SH3BP4: variants seen among roughly 807,000 people sequenced by gnomAD.
The protein encoded by SH3BP4 is SH3 domain-binding protein 4.
In SH3BP4, 33 loss-of-function variants were observed where a neutral mutation model predicts 65.5. The observed-to-expected ratio is 0.50, with a 90% CI of 0.38 to 0.67. The LOEUF (loss-of-function observed/expected upper bound fraction) is 0.67, where lower values mean the gene tolerates loss of function less well. Among genes scored for constraint, SH3BP4 ranks in the 30% least tolerant of loss-of-function variants. The probability of loss-of-function intolerance (pLI) is 0.00; values close to 1 mark genes in which losing one functional copy is unlikely to be tolerated. For synonymous variants in SH3BP4, 552 were observed against 545.5 expected (o/e 1.01, Z -0.17); for missense variants, 1,134 against 1,261.4 (o/e 0.90, Z 1.53).
At chr2:235,004,650 TTGTTTTC>T (rs5839568) in intron 2 of SH3BP4, among the ~76,000 whole-genome samples, 41,819 of 151,870 alleles carry the variant, frequency 0.28, 6,389 homozygotes, top group African/African-American at 0.4. Context: ...GGTGACTGTC[TTGTTTTC>T]ACTGCAGACT....
At chr2:234,988,910 A>C (rs1392087566) in intron 1 of SH3BP4, among the ~76,000 whole-genome samples, 1 of 152,166 alleles carries the variant, frequency 6.6e-6, no homozygotes, top group Non-Finnish European at 1.5e-5. Context: ...AGGGTAAGTG[A>C]AGCAGTTCTG....
intron 2 of SH3BP4, among the ~76,000 whole-genome samples, chr2:235,006,230 GC>G (rs1176611779): frequency 6.6e-6 from 1 of 152,234 alleles, no homozygotes; most frequent in East Asian, 1.9e-4. Context: ...CTTTGTCTTT[GC>G]GGGCTTTGTT....
chr2:235,016,622 C>A (rs1486276557), intron 2 of SH3BP4, among the ~76,000 whole-genome samples: 1 of 152,198 alleles, frequency 6.6e-6, no homozygotes, highest in Non-Finnish European at 1.5e-5. Flanking sequence ...GATTCTCCTG[C>A]CTCAGCCTCC....
At chr2:235,012,410 G>A (rs567163302) in intron 2 of SH3BP4, among the ~76,000 whole-genome samples, 18 of 152,334 alleles carry the variant, frequency 1.2e-4, no homozygotes, top group Admixed American at 3.9e-4. Context: ...AATGGGAGCC[G>A]AGGGGACGCC....
rs1695300710 is a variant in SH3BP4, at chr2:235,034,330, G to T, written c.-132-541G>T. ...GTGTTGTGTTTAGAATTGTTTATTT[G>T]GGGTGCAGGGGGATTTCAGGAGCGG... On this transcript the variant is annotated intron_variant, in intron 2 of 5. Transcript: ENST00000392011. This position sits in a 1 kb window ranked among gnomAD's most constrained non-coding sequence, Gnocchi z 6.2. Among the ~76,000 whole-genome samples the T allele has an allele frequency of 6.6e-6, 1 of 152,172 alleles. No individual in the cohort carries two copies. The highest frequency in any genetic ancestry group is 1.5e-5 in the Non-Finnish European group (1 of 68,028).
intron 1 of SH3BP4, among the ~76,000 whole-genome samples, chr2:234,993,628 T>C (rs190518441): frequency 1.8e-4 from 27 of 152,328 alleles, no homozygotes; most frequent in African/African-American, 6.5e-4. Flanking sequence ...TCATTCGTAG[T>C]TTCACTTCCC....
At position 235,030,459 on chromosome 2, in the gene SH3BP4, G is replaced by A. The variant is rs542166379; in HGVS notation, c.-132-4412G>A. ...GCCCTTGAGGACGCAGTGGGATGGT[G>A]CCTGGTGGAGCTATGAGCGCAGCCT... On this transcript the variant is annotated intron_variant, in intron 2 of 5. Transcript: ENST00000392011. The surrounding 1 kb of genome is among the most constrained non-coding windows in gnomAD (Gnocchi z 4.1). 2.6e-5 allele frequency among the ~76,000 whole-genome samples: 4 copies of A among 152,338 alleles called. No homozygotes were observed. The South Asian group carries it at 8.3e-4, about 32-fold the overall frequency.
chr2:235,035,204 G>C lies in SH3BP4; in HGVS notation c.118+84G>C, dbSNP rs1297275073. 13 of 979,890 alleles carry C rather than the reference G, an allele frequency of 1.3e-5. No individual in the cohort carries two copies. The highest frequency in any genetic ancestry group is 2.1e-5 in the Non-Finnish European group (13 of 608,654). 60.7% of individuals were successfully genotyped at this position (979,890 alleles called of 1,614,324 possible). A position where few individuals can be genotyped will look rare whatever the true frequency, so the allele number is the denominator to read the frequency against. ...GATCCAAGAACTTTTCTGCTTTAAAGATTGCCAGTTTAGCATTCAGATAGT... is the reference window on the plus strand; with the variant it reads ...GATCCAAGAACTTTTCTGCTTTAAACATTGCCAGTTTAGCATTCAGATAGT... On this transcript the variant is annotated intron_variant, in intron 3 of 5. Coordinates refer to ENST00000392011, the MANE Select transcript of SH3BP4 (RefSeq NM_014521.3). The surrounding 1 kb of genome is among the most constrained non-coding windows in gnomAD (Gnocchi z 5.0).
chr2:235,017,332 A>G (rs1385429752), intron 2 of SH3BP4, among the ~76,000 whole-genome samples: 1 of 151,468 alleles, frequency 6.6e-6, no homozygotes, highest in African/African-American at 2.4e-5. Flanking sequence ...CTGTAATCCC[A>G]GCTACTTGGG....
intron 2 of SH3BP4, among the ~76,000 whole-genome samples, chr2:235,013,856 C>T (rs528492604): frequency 3.9e-5 from 6 of 152,260 alleles, no homozygotes; most frequent in Middle Eastern, 3.4e-3. Flanking sequence ...GGTGAGTAAG[C>T]GGAGTGTGAA....
At chr2:234,964,072 G>T (rs1048073179) in intron 1 of SH3BP4, among the ~76,000 whole-genome samples, 1 of 152,186 alleles carries the variant, frequency 6.6e-6, no homozygotes, top group African/African-American at 2.4e-5. Flanking sequence ...GCCTCCTCAG[G>T]TCTTGGCACC....
chr2:235,043,158 C>G lies in SH3BP4; in HGVS notation c.2389C>G (p.Arg797Gly), dbSNP rs369561012. Reference protein sequence around the residue: ...CRAELDSEPERVASVLEKLKE... With the variant: ...CRAELDSEPEGVASVLEKLKE... ...GGCAGAGCTGGATAGTGAGCCCGAG[C>G]GGGTGGCGTCCGTCCTAGAAAAGCT... is the stretch of plus-strand genomic sequence containing the variant. The change falls in exon 4 of 6, where the codon CGG becomes GGG. Residue 797 changes from arginine (R) to glycine (G), a missense_variant. Physicochemically the swap from Arg to Gly is moderately radical, Grantham distance 125 (BLOSUM62 -2). Coordinates refer to ENST00000392011, the MANE Select transcript of SH3BP4 (RefSeq NM_014521.3). 6.2e-7 allele frequency: 1 copy of G among 1,612,564 alleles called. No individual in the cohort carries two copies. Among genetic ancestry groups the G allele is most frequent in the South Asian group, 1.1e-5 (1 of 90,998 alleles).
At position 235,041,523 on chromosome 2, in the gene SH3BP4, G is replaced by A. The variant is rs200759779; in HGVS notation, c.754G>A (p.Val252Ile). The change falls in exon 4 of 6, where the codon GTC (valine) becomes ATC (isoleucine). Residue 252 changes from valine to isoleucine, a missense_variant. Val to Ile is a conservative substitution (Grantham distance 29). Coordinates refer to ENST00000392011, the MANE Select transcript of SH3BP4 (RefSeq NM_014521.3). The surrounding 1 kb of genome is among the most constrained non-coding windows in gnomAD (Gnocchi z 6.0). The stretch of plus-strand genomic sequence containing the variant: ...CTCCTACAGTCTCTCGGAACTCTCC[G>A]TCCTCCAAGCCAAGTCCGATGCTCC... ...KRSYSLSELS[V>I]LQAKSDAPTS... 282 of 1,613,948 alleles carry A rather than the reference G, an allele frequency of 1.7e-4. 1 individual carries two copies. The highest frequency in any genetic ancestry group is 8.0e-4 in the East Asian group (36 of 44,894).
At chr2:235,018,985 T>C (rs1694768298) in intron 2 of SH3BP4, among the ~76,000 whole-genome samples, 1 of 152,158 alleles carries the variant, frequency 6.6e-6, no homozygotes, top group Admixed American at 6.5e-5. Flanking sequence ...GCAAAAGTTA[T>C]CAGCCAAGTG....
At chr2:235,024,767 C>T (rs558689718) in intron 2 of SH3BP4, among the ~76,000 whole-genome samples, 4 of 152,144 alleles carry the variant, frequency 2.6e-5, no homozygotes, top group Admixed American at 6.5e-5. Context: ...TTGTAAAAAG[C>T]GGGTTGATTG....
chr2:234,986,013 G>A (rs1325304398), intron 1 of SH3BP4, among the ~76,000 whole-genome samples: 8 of 149,034 alleles, frequency 5.4e-5, no homozygotes, highest in African/African-American at 1.8e-4. Flanking sequence ...TCATCTACGA[G>A]AATAGGGTCC....
chr2:235,042,005 C>T lies in SH3BP4; in HGVS notation c.1236C>T (p.Gly412=). Residue 412 remains glycine (G), a synonymous_variant, in exon 4 of 6, where the codon GGC becomes GGT. Transcript: ENST00000392011. The surrounding 1 kb of genome is among the most constrained non-coding windows in gnomAD (Gnocchi z 7.3). The part of the protein sequence containing the change: ...KNDLFSKSTV[G]LQCLRSDSKE... ...ACCTTTTTAGCAAAAGCACAGTGGG[C>T]CTCCAGTGCCTGAGGAGCGACTCGA... 1 of 1,613,854 alleles carries T rather than the reference C, an allele frequency of 6.2e-7. No homozygotes were observed. The highest frequency in any genetic ancestry group is 8.5e-7 in the Non-Finnish European group (1 of 1,179,852).
chr2:234,982,445 C>T (rs949421474), intron 1 of SH3BP4, among the ~76,000 whole-genome samples: 2 of 152,160 alleles, frequency 1.3e-5, no homozygotes, highest in African/African-American at 4.8e-5. Context: ...AACTGTTAGT[C>T]TATAGGTCTC....
In SH3BP4 at chr2:235,026,815, G is replaced by A. The variant is rs971974634; in HGVS notation, c.-132-8056G>A. 6.6e-6 allele frequency among the ~76,000 whole-genome samples: 1 copy of A among 152,096 alleles called. No homozygotes were observed. Among genetic ancestry groups the A allele is most frequent in the Non-Finnish European group, 1.5e-5 (1 of 68,024 alleles). ...GTTGTTTAGGGAAATGCACCCAGAG[G>A]GGCACTGTGAGTGAGTCTGATCGGC... On this transcript the variant is annotated intron_variant, in intron 2 of 5. Transcript: ENST00000392011. The surrounding 1 kb of genome is among the most constrained non-coding windows in gnomAD (Gnocchi z 4.6).
Sources: allele counts gnomAD v4.1 joint callset (sites outside exome capture counted in the v4.1 genomes callset), GRCh38; gene constraint gnomAD v4.1.1; non-coding constraint Gnocchi (gnomAD v3.1); transcripts MANE v1.5; gene names NCBI Gene and HGNC (gene_info 2026-07-23, HGNC 2026-07-21).